The following ZMYM2 variants were observed in gnomAD, a reference collection of about 807,000 sequenced individuals.
The protein encoded by ZMYM2 is zinc finger MYM-type protein 2.
A neutral mutation model predicts 162.8 loss-of-function variants in ZMYM2; 56 were observed. The observed-to-expected ratio is 0.34, with a 90% CI of 0.28 to 0.43. The LOEUF is 0.43. ZMYM2 is among the 20% of genes least tolerant of loss of function. The pLI, the probability that ZMYM2 is intolerant of heterozygous loss-of-function variation, is 1.00. For missense variants in ZMYM2, 1,275 were observed against 1,621.8 expected (o/e 0.79, Z 3.67); for synonymous variants, 510 against 541.6 (o/e 0.94, Z 0.81).
chr13:20,062,698 A>G (rs545836850), intron 17 of ZMYM2, 148 bp from the exon 18 acceptor site: 1 of 742,532 alleles, frequency 1.3e-6, no homozygotes, highest in South Asian at 2.7e-5. Context: ...AGATAGTTAT[A>G]TATATAATAT....
intron 2 of ZMYM2, among the ~76,000 whole-genome samples, chr13:19,969,174 C>T (rs892986789): frequency 2.6e-5 from 4 of 152,158 alleles, no homozygotes; most frequent in Non-Finnish European, 5.9e-5. Context: ...TGCATATATA[C>T]TGTTACTATC....
At chr13:20,038,490 G>A (rs1953940162) in intron 12 of ZMYM2, among the ~76,000 whole-genome samples, 1 of 152,110 alleles carries the variant, frequency 6.6e-6, no homozygotes, top group South Asian at 2.1e-4. Context: ...TCTCCATATG[G>A]TTAGCCAGTT....
intron 2 of ZMYM2, among the ~76,000 whole-genome samples, chr13:19,978,977 C>T (rs1248715355): frequency 6.6e-6 from 1 of 152,054 alleles, no homozygotes; most frequent in Non-Finnish European, 1.5e-5. Context: ...CTTAGTTTCA[C>T]CTTATTTTTG....
chr13:19,899,610 G>A, the ZMYM2 span, among the ~76,000 whole-genome samples: 13 of 152,046 alleles, frequency 8.6e-5, no homozygotes, highest in Non-Finnish European at 1.8e-4. Context: ...TAGGTCAGGA[G>A]TTTGTGACCA....
chr13:20,039,485 T>C (rs945806570), intron 12 of ZMYM2, among the ~76,000 whole-genome samples: 3 of 151,150 alleles, frequency 2.0e-5, no homozygotes, highest in Admixed American at 1.3e-4. Context: ...TTTTTTTTTT[T>C]TTTTTTGACA....
intron 9 of ZMYM2, among the ~76,000 whole-genome samples, chr13:20,028,859 T>C (rs1952816733): frequency 6.6e-6 from 1 of 151,954 alleles, no homozygotes; most frequent in South Asian, 2.1e-4. Flanking sequence ...TCCATGGATA[T>C]GTAGGACCGA....
upstream of ZMYM2, among the ~76,000 whole-genome samples, chr13:19,956,111 A>T (rs921061009): frequency 6.6e-6 from 1 of 152,316 alleles, no homozygotes; most frequent in African/African-American, 2.4e-5. Flanking sequence ...TCACTCCATT[A>T]AAAAACCTCG....
chr13:19,870,603 T>C, the ZMYM2 span, among the ~76,000 whole-genome samples: 336 of 137,850 alleles, frequency 2.4e-3, 3 homozygotes, highest in African/African-American at 8.8e-3. Flanking sequence ...TTCCTTTCTT[T>C]CTTTCTTTCC....
the ZMYM2 span, among the ~76,000 whole-genome samples, chr13:19,866,504 A>G: frequency 1.3e-5 from 2 of 151,922 alleles, no homozygotes; most frequent in Admixed American, 6.6e-5. Flanking sequence ...CGTCCCTACT[A>G]AAAGTACAAA....
chr13:19,878,517 CTTTTTTTTT>C, the ZMYM2 span, among the ~76,000 whole-genome samples: 1 of 99,028 alleles, frequency 1.0e-5, no homozygotes, highest in Admixed American at 1.2e-4. Context: ...TTCCTTTGCC[CTTTTTTTTT>C]TTTTTTTTTT....
At chr13:19,970,600 C>CAAAAA (rs11365281) in intron 2 of ZMYM2, among the ~76,000 whole-genome samples, 50 of 87,996 alleles carry the variant, frequency 5.7e-4, no homozygotes, top group Non-Finnish European at 6.3e-4. Flanking sequence ...AACCCCAAAC[C>CAAAAA]AAAAAAAAAA....
the ZMYM2 span, among the ~76,000 whole-genome samples, chr13:19,917,036 C>G: frequency 7.9e-5 from 12 of 152,256 alleles, no homozygotes; most frequent in African/African-American, 2.9e-4. Context: ...GATCTCCGCT[C>G]GCTGCAAACT....
At chr13:19,971,191 G>A (rs1006755264) in intron 2 of ZMYM2, among the ~76,000 whole-genome samples, 1 of 145,726 alleles carries the variant, frequency 6.9e-6, no homozygotes, top group Non-Finnish European at 1.5e-5. Flanking sequence ...CGTAAGAAGT[G>A]AATGTTGTAG....
At chr13:19,916,578 T>C in the ZMYM2 span, among the ~76,000 whole-genome samples, 4 of 152,088 alleles carry the variant, frequency 2.6e-5, no homozygotes, top group African/African-American at 9.7e-5. Context: ...TGGATGAAGC[T>C]GGAAACCATC....
chr13:19,990,389 G>A (rs1296473227), intron 2 of ZMYM2, among the ~76,000 whole-genome samples: 1 of 152,096 alleles, frequency 6.6e-6, no homozygotes, highest in Non-Finnish European at 1.5e-5. Flanking sequence ...GCTTGGATTG[G>A]CCAACTTCAT....
intron 23 of ZMYM2, among the ~76,000 whole-genome samples, 198 bp downstream of exon 23, chr13:20,083,230 CTT>C (rs1771989661): frequency 6.6e-6 from 1 of 152,020 alleles, no homozygotes; most frequent in Admixed American, 6.5e-5. Flanking sequence ...GCCTGGCTAA[CTT>C]TGTATTTTTA....
chr13:20,061,149 C>T lies in ZMYM2; in HGVS notation c.2836C>T (p.Leu946Phe), dbSNP rs913252500. The part of the protein sequence containing the change: ...ELKSKVSSDA[L>F]DTELLTMTDM... Reference sequence around the variant, plus strand: ...AAAAAGCAAGGTTTCTTCAGATGCTCTTGATACAGAGTTGCTTACAATGAC... The same window carrying T: ...AAAAAGCAAGGTTTCTTCAGATGCTTTTGATACAGAGTTGCTTACAATGAC... The change falls in exon 17 of 25, where the codon CTT becomes TTT. Residue 946 changes from leucine (L) to phenylalanine (F), a missense_variant. Transcript: ENST00000610343. The T allele has an allele frequency of 1.9e-6, 3 of 1,613,662 alleles. No individual in the cohort carries two copies. Among genetic ancestry groups the T allele is most frequent in the Non-Finnish European group, 2.5e-6 (3 of 1,179,776 alleles).
At chr13:19,917,130 T>A in the ZMYM2 span, among the ~76,000 whole-genome samples, 32 of 151,948 alleles carry the variant, frequency 2.1e-4, no homozygotes, top group African/African-American at 7.7e-4. Flanking sequence ...GCCCGGCTAA[T>A]TTTTTGTATT....
intron 21 of ZMYM2, among the ~76,000 whole-genome samples, chr13:20,081,063 A>T (rs1390093097): frequency 6.6e-6 from 1 of 152,288 alleles, no homozygotes; most frequent in East Asian, 1.9e-4. Flanking sequence ...ATTGAATTAA[A>T]ATCTGTTATC....
Sources: allele counts gnomAD v4.1 joint callset (sites outside exome capture counted in the v4.1 genomes callset), GRCh38; gene constraint gnomAD v4.1.1; transcripts MANE v1.5; gene names NCBI Gene and HGNC (gene_info 2026-07-23, HGNC 2026-07-21).